C6orf118: variants seen among roughly 807,000 people sequenced by gnomAD.
C6orf118 encodes the protein uncharacterized protein C6orf118.
C6orf118 carries 50 observed loss-of-function variants against 50.2 expected under a neutral mutation model. The ratio of observed to expected loss-of-function variants is 1.00; its 90% CI spans 0.79 to 1.26. The LOEUF (loss-of-function observed/expected upper bound fraction) is 1.26, where lower values mean the gene tolerates loss of function less well. Among genes scored for constraint, C6orf118 ranks in the 50% most tolerant of loss-of-function variants. C6orf118 has a pLI of 0.00. For missense variants in C6orf118, 641 were observed against 578.7 expected (o/e 1.11, Z -1.10); for synonymous variants, 239 against 230.9 (o/e 1.03, Z -0.32).
At chr6:165,280,788 G>A (rs1779702735) in intron 8 of C6orf118, among the ~76,000 whole-genome samples, 1 of 152,154 alleles carries the variant, frequency 6.6e-6, no homozygotes, top group Non-Finnish European at 1.5e-5. Context: ...CAGCCATATT[G>A]AGACCCCGAG....
At chr6:165,280,238 C>A (rs1038718345) in intron 8 of C6orf118, 128 bp from the exon 9 acceptor site, 2 of 654,422 alleles carry the variant, frequency 3.1e-6, no homozygotes, top group African/African-American at 1.9e-5. Context: ...ACTTTGTAAT[C>A]ATTTACTTTT....
Position 165,293,484 on chromosome 6 carries a change from G to A in C6orf118, c.1062-13C>T. Reference sequence around the variant, plus strand: ...TTCACTTCTGAGTCTACAATGTGAGGATAAACAATAGGGAAATATTAGATC... The same window carrying A: ...TTCACTTCTGAGTCTACAATGTGAGAATAAACAATAGGGAAATATTAGATC... On this transcript the variant is annotated splice_polypyrimidine_tract_variant and intron_variant, in intron 5 of 8. Coordinates refer to ENST00000230301, the MANE Select transcript of C6orf118 (RefSeq NM_144980.4). 6.2e-7 allele frequency: 1 copy of A among 1,607,922 alleles called. No homozygotes were observed. Among genetic ancestry groups the A allele is most frequent in the Non-Finnish European group, 8.5e-7 (1 of 1,175,404 alleles).
chr6:165,293,237 G>A (rs1022728702), intron 6 of C6orf118, 176 bp downstream of exon 6: 4 of 655,776 alleles, frequency 6.1e-6, no homozygotes, highest in Admixed American at 2.0e-5. Flanking sequence ...TCACCACCAC[G>A]TGCCAGGCCC....
At chr6:165,307,786 G>T (rs1010858172) in intron 1 of C6orf118, among the ~76,000 whole-genome samples, 3 of 152,212 alleles carry the variant, frequency 2.0e-5, no homozygotes, top group African/African-American at 7.2e-5. Flanking sequence ...CAGGCTCTCT[G>T]CTGGAGGAGA....
At chr6:165,308,227 A>C (rs1780816969) in intron 1 of C6orf118, among the ~76,000 whole-genome samples, 1 of 152,150 alleles carries the variant, frequency 6.6e-6, no homozygotes, top group Admixed American at 6.5e-5. Context: ...AGCTGAATTC[A>C]GGTGATGGGC....
intron 2 of C6orf118, among the ~76,000 whole-genome samples, chr6:165,300,752 C>A (rs1583022497): frequency 6.6e-6 from 1 of 152,110 alleles, no homozygotes; most frequent in Admixed American, 6.5e-5. Context: ...CATTCACTCT[C>A]CGCCTCCACA....
Position 165,301,649 on chromosome 6 carries a change from C to G in C6orf118, c.673G>C (p.Val225Leu). 1 of 1,614,202 alleles carries G rather than the reference C, an allele frequency of 6.2e-7. No individual in the cohort carries two copies. Among genetic ancestry groups the G allele is most frequent in the African/African-American group, 1.3e-5 (1 of 75,054 alleles). The change falls in exon 2 of 9, where the codon GTG becomes CTG. Residue 225 changes from valine (V) to leucine (L), a missense_variant. Transcript: ENST00000230301. ...YRMFLRFQKE[V>L]LAKQDLLKND... ...TTCAGGAGATCTTGCTTGGCGAGCA[C>G]TTCCTTCTGGAAACGCAGGAACATC...
chr6:165,298,451 A>G (rs1780395192), intron 4 of C6orf118, among the ~76,000 whole-genome samples: 1 of 152,168 alleles, frequency 6.6e-6, no homozygotes, highest in Non-Finnish European at 1.5e-5. Flanking sequence ...CTCTAGGTGA[A>G]TGAGAAGCCA....
intron 7 of C6orf118, among the ~76,000 whole-genome samples, chr6:165,288,829 G>C (rs556606383): frequency 6.6e-6 from 1 of 152,104 alleles, no homozygotes; most frequent in East Asian, 1.9e-4. Flanking sequence ...GCTAATGCAT[G>C]TTGGGTTTAA....
chr6:165,305,614 A>G (rs1399110919), intron 1 of C6orf118, among the ~76,000 whole-genome samples: 2 of 79,816 alleles, frequency 2.5e-5, no homozygotes, highest in Non-Finnish European at 4.3e-5. Context: ...AATGAACTCA[A>G]ACAAATTTAC....
intron 5 of C6orf118, among the ~76,000 whole-genome samples, chr6:165,296,152 C>T (rs1444968127): frequency 1.3e-5 from 2 of 151,858 alleles, no homozygotes; most frequent in Non-Finnish European, 2.9e-5. Flanking sequence ...TTCACTGCCA[C>T]TGAATGTTTT....
chr6:165,293,362 TGAA>T (rs760694264), intron 6 of C6orf118, 48 bp downstream of exon 6: 1 of 1,525,952 alleles, frequency 6.6e-7, no homozygotes. Context: ...GCTGAAATAA[TGAA>T]GGTCACAGCA....
chr6:165,280,460 C>T (rs907347968), intron 8 of C6orf118, among the ~76,000 whole-genome samples: 1 of 152,162 alleles, frequency 6.6e-6, no homozygotes, highest in African/African-American at 2.4e-5. Flanking sequence ...TTTTTAAGAA[C>T]ACCCAACATG....
intron 8 of C6orf118, 119 bp from the exon 9 acceptor site, chr6:165,280,229 C>T: frequency 1.5e-6 from 1 of 675,762 alleles, no homozygotes; most frequent in Non-Finnish European, 2.5e-6. Context: ...CAAGATGAGA[C>T]TTTGTAATCA....
At chr6:165,298,687 C>T (rs9459354) in intron 4 of C6orf118, among the ~76,000 whole-genome samples, 6,979 of 152,212 alleles carry the variant, frequency 0.046, 545 homozygotes, top group African/African-American at 0.16. Context: ...GTAAATTCCC[C>T]ACTGGAGGCT....
intron 3 of C6orf118, 97 bp downstream of exon 3, chr6:165,300,267 A>C (rs979921113): frequency 1.9e-5 from 27 of 1,447,506 alleles, no homozygotes; most frequent in Non-Finnish European, 2.6e-5. Context: ...GGGGCCTGTG[A>C]TACCTAGCAG....
At chr6:165,300,045 A>G (rs929983010) in intron 3 of C6orf118, among the ~76,000 whole-genome samples, 3 of 152,210 alleles carry the variant, frequency 2.0e-5, no homozygotes, top group Non-Finnish European at 2.9e-5. Context: ...ATAACATTAC[A>G]CATGTAAAGT....
chr6:165,280,729 A>T (rs1225285332), intron 8 of C6orf118, among the ~76,000 whole-genome samples: 1 of 152,118 alleles, frequency 6.6e-6, no homozygotes, highest in African/African-American at 2.4e-5. Flanking sequence ...TGTCATTCAC[A>T]TTTCCCTTTC....
Position 165,302,186 on chromosome 6 carries a change from T to A in C6orf118, c.136A>T (p.Asn46Tyr). The change falls in exon 2 of 9, where the codon AAT becomes TAT. Residue 46 changes from asparagine (N) to tyrosine (Y), a missense_variant. Physicochemically the swap from Asn to Tyr is moderately radical, Grantham distance 143. Coordinates refer to ENST00000230301, the MANE Select transcript of C6orf118 (RefSeq NM_144980.4). ...TCCCGGTGGTCTTTCTGAAGCCGATTCAGAAGTTTCTTCAGATTACACAGG... is the reference window on the plus strand; with the variant it reads ...TCCCGGTGGTCTTTCTGAAGCCGATACAGAAGTTTCTTCAGATTACACAGG... ...KTLCNLKKLL[N>Y]RLQKDHREDV... is the part of the protein sequence containing the mutation. 6.2e-7 allele frequency: 1 copy of A among 1,614,052 alleles called. No homozygotes were observed. Among genetic ancestry groups the A allele is most frequent in the Non-Finnish European group, 8.5e-7 (1 of 1,180,006 alleles).
Sources: gnomAD v4.1 joint callset for allele counts (sites outside exome capture counted in the v4.1 genomes callset) on GRCh38, gnomAD v4.1.1 for gene constraint, MANE v1.5 for transcripts, NCBI Gene and HGNC (gene_info 2026-07-23, HGNC 2026-07-21) for gene names.